SYT1: variants seen among roughly 807,000 people sequenced by gnomAD.
SYT1 encodes the protein synaptotagmin-1.
SYT1 carries 8 observed loss-of-function variants against 44.8 expected under a neutral mutation model. That is an observed-to-expected ratio of 0.18 (90% CI 0.10 to 0.32). The LOEUF (loss-of-function observed/expected upper bound fraction) is 0.32. Ranked by LOEUF, SYT1 falls within the 10% of genes least tolerant of loss-of-function variation. SYT1 has a pLI of 1.00. For missense variants in SYT1, 286 were observed against 509.3 expected, an observed-to-expected ratio of 0.56 and a Z score of 4.22; for synonymous variants, 154 against 188.8, an observed-to-expected ratio of 0.82 and a Z score of 1.51.
intron 3 of SYT1, among the ~76,000 whole-genome samples, chr12:79,137,324 G>A (rs142362194): frequency 3.7e-4 from 56 of 152,126 alleles, no homozygotes; most frequent in Non-Finnish European, 5.7e-4. Context: ...TCGAACTCCT[G>A]GCCTCAGGTG....
intron 3 of SYT1, among the ~76,000 whole-genome samples, chr12:79,092,695 C>T (rs1298685708): frequency 1.3e-5 from 2 of 151,670 alleles, no homozygotes; most frequent in Non-Finnish European, 1.5e-5. Context: ...CAGTCAAATA[C>T]TACGATCTCA....
intron 8 of SYT1, among the ~76,000 whole-genome samples, chr12:79,307,808 C>T (rs1431042848): frequency 1.3e-5 from 2 of 152,216 alleles, no homozygotes; most frequent in African/African-American, 2.4e-5. Context: ...GCTGAACTGG[C>T]CTCACCTCAT....
In SYT1 at chr12:79,423,946, TACTTGTTGAAATA is replaced by T. The variant is rs149176731; in HGVS notation, c.929-20124_929-20112del. Among the ~76,000 whole-genome samples the T allele has an allele frequency of 3.3e-3, 504 of 151,228 alleles. 5 individuals are homozygous for T. The highest frequency in any genetic ancestry group is 0.012 in the African/African-American group (485 of 41,256). ...TAAATAGAAAAAAGAAATAACCAAA[TACTTGTTGAAATA>T]ACCAACAAGTATTTGGTTATTTCTT... On this transcript the variant is annotated intron_variant, in intron 9 of 10. Coordinates refer to ENST00000261205, the MANE Select transcript of SYT1 (RefSeq NM_005639.3).
chr12:78,929,392 A>G (rs1439687278), intron 1 of SYT1, among the ~76,000 whole-genome samples: 5 of 129,322 alleles, frequency 3.9e-5, no homozygotes, highest in African/African-American at 1.5e-4. Flanking sequence ...CCTGGGTGAC[A>G]GAGAGAGACT....
chr12:79,370,846 T>C (rs1046039283), intron 9 of SYT1, among the ~76,000 whole-genome samples: 1 of 152,110 alleles, frequency 6.6e-6, no homozygotes, highest in Non-Finnish European at 1.5e-5. Context: ...TGCCATAGGT[T>C]AGGGAATTAA....
chr12:79,205,417 G>A (rs965713618), intron 3 of SYT1, among the ~76,000 whole-genome samples: 2 of 152,030 alleles, frequency 1.3e-5, no homozygotes, highest in African/African-American at 2.4e-5. Flanking sequence ...ATTATTCAGT[G>A]GCACTTTTAA....
upstream of SYT1, chr12:78,864,298 T>C (rs1873413510): frequency 6.7e-6 from 1 of 149,856 alleles, no homozygotes; most frequent in Non-Finnish European, 1.5e-5. Flanking sequence ...TCGAAACTCC[T>C]AGGTCGCTGT....
At chr12:78,961,904 A>T (rs752586035) in intron 1 of SYT1, among the ~76,000 whole-genome samples, 1 of 152,194 alleles carries the variant, frequency 6.6e-6, no homozygotes, top group Non-Finnish European at 1.5e-5. Flanking sequence ...TTTGACTCAT[A>T]AGTTACTAAG....
chr12:79,352,843 T>A (rs948928476), intron 8 of SYT1, among the ~76,000 whole-genome samples: 3 of 152,336 alleles, frequency 2.0e-5, no homozygotes, highest in African/African-American at 7.2e-5. Flanking sequence ...GAGATGCATT[T>A]GCATTGTGTT....
intron 8 of SYT1, among the ~76,000 whole-genome samples, chr12:79,305,827 G>A (rs1329301437): frequency 6.6e-6 from 1 of 152,126 alleles, no homozygotes; most frequent in African/African-American, 2.4e-5. Flanking sequence ...CGCCCAAGTA[G>A]CTGGGATTAC....
At chr12:79,076,675 TCA>T (rs1418436604) in intron 3 of SYT1, among the ~76,000 whole-genome samples, 1 of 152,138 alleles carries the variant, frequency 6.6e-6, no homozygotes, top group Non-Finnish European at 1.5e-5. Context: ...GTGCGGTGGC[TCA>T]CACCTGTAAT....
intron 3 of SYT1, among the ~76,000 whole-genome samples, chr12:79,109,481 A>G (rs983321146): frequency 1.3e-5 from 2 of 152,118 alleles, no homozygotes; most frequent in Non-Finnish European, 2.9e-5. Flanking sequence ...TTTATTTGCT[A>G]TCTTCCCTGA....
chr12:79,088,654 A>G (rs1180747165), intron 3 of SYT1, among the ~76,000 whole-genome samples: 1 of 151,972 alleles, frequency 6.6e-6, no homozygotes, highest in Non-Finnish European at 1.5e-5. Flanking sequence ...AGAATTACTT[A>G]TGCACTCTGA....
intron 2 of SYT1, among the ~76,000 whole-genome samples, chr12:79,026,306 TGAA>T (rs1872526164): frequency 6.6e-6 from 1 of 151,476 alleles, no homozygotes; most frequent in African/African-American, 2.4e-5. Flanking sequence ...TGCTTCTTGA[TGAA>T]GGAGGAGTGC....
chr12:79,246,204 A>C (rs929081814), intron 4 of SYT1, among the ~76,000 whole-genome samples: 46 of 152,224 alleles, frequency 3.0e-4, no homozygotes, highest in Admixed American at 2.0e-4. Context: ...GGTCAATTCC[A>C]AAAGACGAGG....
chr12:78,928,872 A>T (rs1319764951), intron 1 of SYT1, among the ~76,000 whole-genome samples: 1 of 152,112 alleles, frequency 6.6e-6, no homozygotes, highest in South Asian at 2.1e-4. Flanking sequence ...TGAAAACCAA[A>T]CCTTGAACAA....
intron 3 of SYT1, among the ~76,000 whole-genome samples, chr12:79,161,384 A>G (rs1870940182): frequency 6.6e-6 from 1 of 152,158 alleles, no homozygotes. Context: ...GCCTAGGAGA[A>G]AAAGGCTACA....
intron 3 of SYT1, among the ~76,000 whole-genome samples, chr12:79,172,007 C>T (rs571732659): frequency 1.3e-5 from 2 of 151,892 alleles, no homozygotes; most frequent in Non-Finnish European, 2.9e-5. Flanking sequence ...ATTGTTACTA[C>T]TATATCATGC....
intron 8 of SYT1, among the ~76,000 whole-genome samples, chr12:79,300,052 T>C (rs7978174): frequency 0.34 from 52,349 of 151,956 alleles, 9,367 homozygotes; most frequent in East Asian, 0.59. Context: ...ACATCAAATA[T>C]AATTCACAAA....
Sources: gnomAD v4.1 joint callset for allele counts (sites outside exome capture counted in the v4.1 genomes callset) on GRCh38, gnomAD v4.1.1 for gene constraint, MANE v1.5 for transcripts, NCBI Gene and HGNC (gene_info 2026-07-23, HGNC 2026-07-21) for gene names.